The following USP33 variants were observed in gnomAD, a reference collection of about 807,000 sequenced individuals.
The protein encoded by USP33 is ubiquitin specific peptidase 33, also known as ubiquitin carboxyl-terminal hydrolase 33.
A neutral mutation model predicts 124.2 loss-of-function variants in USP33; 46 were observed. The observed-to-expected ratio is 0.37, with a 90% CI of 0.29 to 0.47. USP33 has a LOEUF of 0.47. Ranked by LOEUF, USP33 falls within the 20% of genes least tolerant of loss-of-function variation. The pLI is 0.99. For missense variants in USP33, 851 were observed against 1,070.6 expected, an observed-to-expected ratio of 0.79 and a Z score of 2.86; for synonymous variants, 350 against 352.3, an observed-to-expected ratio of 0.99 and a Z score of 0.07.
chr1:77,698,354 T>C (rs542019028), intron 22 of USP33, among the ~76,000 whole-genome samples: 1 of 151,942 alleles, frequency 6.6e-6, no homozygotes, highest in South Asian at 2.1e-4. Flanking sequence ...ATTACAGGCG[T>C]GAGCCACTAC....
chr1:77,756,033 CCTT>C (rs1263510862), intron 1 of USP33, among the ~76,000 whole-genome samples: 1 of 152,194 alleles, frequency 6.6e-6, no homozygotes, highest in Non-Finnish European at 1.5e-5. Flanking sequence ...AAGTCAGTGT[CCTT>C]CTGTCAACCC....
At chr1:77,706,908 A>C (rs1011209606) in intron 21 of USP33, among the ~76,000 whole-genome samples, 12 of 152,180 alleles carry the variant, frequency 7.9e-5, no homozygotes, top group African/African-American at 2.9e-4. Context: ...TTCGGCCTCT[A>C]CTAAATGTGG....
At chr1:77,739,553 GA>G (rs943336628) in intron 4 of USP33, 136 bp from the exon 5 acceptor site, 17 of 809,182 alleles carry the variant, frequency 2.1e-5, no homozygotes, top group Admixed American at 1.5e-4. Flanking sequence ...TTTAGAACAT[GA>G]AAAAAATTCT....
chr1:77,740,350 T>C (rs1043157308), intron 4 of USP33, among the ~76,000 whole-genome samples: 2 of 151,762 alleles, frequency 1.3e-5, no homozygotes, highest in African/African-American at 2.4e-5. Context: ...TATCTGGATA[T>C]ACACTTTTTT....
chr1:77,726,898 T>A (rs1220571034), intron 10 of USP33, among the ~76,000 whole-genome samples: 1 of 152,194 alleles, frequency 6.6e-6, no homozygotes, highest in Non-Finnish European at 1.5e-5. Context: ...TTGCTTTGGA[T>A]TCCTAGTGCC....
chr1:77,757,793 C>A (rs1319830226), intron 1 of USP33, among the ~76,000 whole-genome samples: 1 of 152,162 alleles, frequency 6.6e-6, no homozygotes, highest in Admixed American at 6.5e-5. Context: ...GATCCTTACA[C>A]AATCTTGAAA....
intron 1 of USP33, among the ~76,000 whole-genome samples, chr1:77,748,654 C>G (rs1050830384): frequency 6.8e-6 from 1 of 147,618 alleles, no homozygotes. Context: ...GGCGACACAG[C>G]GAGACTCCGT....
At chr1:77,721,084 C>T in intron 15 of USP33, 88 bp downstream of exon 15, 3 of 1,427,394 alleles carry the variant, frequency 2.1e-6, no homozygotes, top group Non-Finnish European at 2.9e-6. Flanking sequence ...TTTCTAAATA[C>T]AGTGGCAAAT....
At position 77,729,954 on chromosome 1, in the gene USP33, T is replaced by A; in HGVS notation, c.639-16A>T. ...AGATCCTGGCCTGAGCAAGAAAACA[T>A]TTTTAAAGAGCAATTTTTGTTATTT... is the stretch of plus-strand genomic sequence containing the variant. On this transcript the variant is annotated splice_polypyrimidine_tract_variant and intron_variant, in intron 8 of 23. Coordinates refer to ENST00000370794, the MANE Select transcript of USP33 (RefSeq NM_201624.3). The A allele has an allele frequency of 6.3e-7, 1 of 1,584,680 alleles. No individual in the cohort carries two copies. Among genetic ancestry groups the A allele is most frequent in the Non-Finnish European group, 8.6e-7 (1 of 1,169,010 alleles).
intron 1 of USP33, among the ~76,000 whole-genome samples, chr1:77,751,001 A>G (rs1680280033): frequency 6.6e-6 from 1 of 152,254 alleles, no homozygotes; most frequent in Non-Finnish European, 1.5e-5. Flanking sequence ...ATTTAATCAC[A>G]GGAGATGAGT....
intron 1 of USP33, among the ~76,000 whole-genome samples, chr1:77,749,232 C>T (rs1347333812): frequency 2.6e-5 from 4 of 152,150 alleles, no homozygotes; most frequent in Non-Finnish European, 1.5e-5. Context: ...TTTTCTTCTA[C>T]AAGATGTTTA....
At chr1:77,742,169 A>T (rs1679196960) in intron 1 of USP33, among the ~76,000 whole-genome samples, 1 of 152,058 alleles carries the variant, frequency 6.6e-6, no homozygotes, top group South Asian at 2.1e-4. Context: ...AAAAAACTTC[A>T]AGTAGAAAGC....
At chr1:77,737,189 C>G (rs1453155987) in intron 5 of USP33, among the ~76,000 whole-genome samples, 1 of 152,094 alleles carries the variant, frequency 6.6e-6, no homozygotes, top group Non-Finnish European at 1.5e-5. Context: ...GAGAAGGAAA[C>G]TGAATAGCAG....
intron 7 of USP33, among the ~76,000 whole-genome samples, chr1:77,733,606 T>C (rs758591499): frequency 5.3e-5 from 8 of 152,070 alleles, no homozygotes; most frequent in Non-Finnish European, 1.0e-4. Flanking sequence ...TTCAAAATGC[T>C]CCAAAATCCA....
chr1:77,734,498 AATTAC>A, intron 6 of USP33, 82 bp from the exon 7 acceptor site: 1 of 808,588 alleles, frequency 1.2e-6, no homozygotes, highest in Non-Finnish European at 2.0e-6. Context: ...ATGGTTCCCA[AATTAC>A]ATTAAGGACC....
chr1:77,716,855 T>C (rs1413254337), intron 17 of USP33, among the ~76,000 whole-genome samples: 2 of 151,448 alleles, frequency 1.3e-5, no homozygotes, highest in Non-Finnish European at 2.9e-5. Context: ...TTAGAAAACA[T>C]ATTCTTTTTT....
Position 77,759,754 on chromosome 1 carries a change from C to G in USP33, c.-163G>C, listed in dbSNP as rs759616065. The G allele has an allele frequency of 1.3e-5, 5 of 398,042 alleles. No homozygotes were observed. Among genetic ancestry groups the G allele is most frequent in the Non-Finnish European group, 2.2e-5 (5 of 225,634 alleles). 24.7% of individuals were successfully genotyped at this position (398,042 alleles called of 1,614,324 possible). A position where few individuals can be genotyped will look rare whatever the true frequency, so the allele number is the denominator to read the frequency against. On this transcript the variant is annotated 5_prime_UTR_variant, in exon 1 of 24. Transcript: ENST00000370794. The stretch of plus-strand genomic sequence containing the variant: ...CTCTCGGAGAGGGGCAGTGTCGCGT[C>G]AGGAGGGCCGGAAAACGGCCCCGCA...
chr1:77,748,055 C>T (rs1196116902), intron 1 of USP33, among the ~76,000 whole-genome samples: 3 of 152,214 alleles, frequency 2.0e-5, no homozygotes, highest in African/African-American at 7.2e-5. Flanking sequence ...CATGGTTTCC[C>T]TGGCTACACT....
At chr1:77,723,244 G>A in intron 12 of USP33, 87 bp downstream of exon 12, 1 of 953,030 alleles carries the variant, frequency 1.0e-6, no homozygotes, top group Non-Finnish European at 1.6e-6. Flanking sequence ...GCAAAGAGAA[G>A]GAATTAAACT....
Sources: gnomAD v4.1 joint callset for allele counts (sites outside exome capture counted in the v4.1 genomes callset) on GRCh38, gnomAD v4.1.1 for gene constraint, MANE v1.5 for transcripts, NCBI Gene and HGNC (gene_info 2026-07-23, HGNC 2026-07-21) for gene names.